SHISA9: variants seen among roughly 807,000 people sequenced by gnomAD.
SHISA9 encodes the protein shisa family member 9, also known as protein shisa-9.
In SHISA9, 13 loss-of-function variants were observed where a neutral mutation model predicts 38.0. The observed-to-expected ratio is 0.34, with a 90% CI of 0.22 to 0.54. SHISA9 has a LOEUF of 0.54. Ranked by LOEUF, SHISA9 falls within the 20% of genes least tolerant of loss-of-function variation. SHISA9 has a pLI of 0.91. For synonymous variants in SHISA9, 275 were observed against 242.0 expected, an observed-to-expected ratio of 1.14 and a Z score of -1.27; for missense variants, 538 against 575.8, an observed-to-expected ratio of 0.93 and a Z score of 0.67.
chr16:13,004,862 G>A (rs899854888), intron 2 of SHISA9, among the ~76,000 whole-genome samples: 1 of 151,054 alleles, frequency 6.6e-6, no homozygotes, highest in Non-Finnish European at 1.5e-5. Context: ...AATGCGGGAG[G>A]CAGAGGTTGC....
intron 2 of SHISA9, among the ~76,000 whole-genome samples, chr16:13,098,513 G>C (rs1482238773): frequency 6.6e-6 from 1 of 152,120 alleles, no homozygotes; most frequent in East Asian, 1.9e-4. Flanking sequence ...TCTGAATCTT[G>C]TTCTCTGCAA....
At chr16:13,226,387 C>T (rs1022486213) in intron 4 of SHISA9, among the ~76,000 whole-genome samples, 1 of 152,168 alleles carries the variant, frequency 6.6e-6, no homozygotes, top group Non-Finnish European at 1.5e-5. Context: ...CACCTGAGTC[C>T]TAGGGTGGGA....
At chr16:13,079,141 A>G (rs1223030261) in intron 2 of SHISA9, among the ~76,000 whole-genome samples, 1 of 152,204 alleles carries the variant, frequency 6.6e-6, no homozygotes, top group African/African-American at 2.4e-5. Flanking sequence ...CCTATGTGAA[A>G]TGCCGAGCAC....
chr16:13,175,963 T>A (rs1271435666), intron 2 of SHISA9, among the ~76,000 whole-genome samples: 1 of 152,104 alleles, frequency 6.6e-6, no homozygotes, highest in Non-Finnish European at 1.5e-5. Flanking sequence ...GTTCTCACTC[T>A]CCCTCTGTCT....
chr16:13,079,975 A>T (rs1469877779), intron 2 of SHISA9, among the ~76,000 whole-genome samples: 1 of 152,186 alleles, frequency 6.6e-6, no homozygotes, highest in Non-Finnish European at 1.5e-5. Context: ...GCATGAAGGA[A>T]ATCAAAATAT....
At chr16:13,333,682 A>T in the SHISA9 span, among the ~76,000 whole-genome samples, 1 of 152,188 alleles carries the variant, frequency 6.6e-6, no homozygotes, top group Non-Finnish European at 1.5e-5. Flanking sequence ...ATCAGTAGAG[A>T]TGTCCTAAAA....
the SHISA9 span, among the ~76,000 whole-genome samples, chr16:13,419,384 C>G: frequency 6.6e-6 from 1 of 152,204 alleles, no homozygotes; most frequent in Non-Finnish European, 1.5e-5. Flanking sequence ...ACAATGAAAT[C>G]TCAAAACTAG....
chr16:13,439,955 C>T, the SHISA9 span, among the ~76,000 whole-genome samples: 1 of 152,168 alleles, frequency 6.6e-6, no homozygotes, highest in Admixed American at 6.5e-5. Flanking sequence ...GGCAGCTGGG[C>T]CTGTGATTAG....
intron 2 of SHISA9, among the ~76,000 whole-genome samples, chr16:13,182,665 C>G (rs2050788152): frequency 6.6e-6 from 1 of 152,162 alleles, no homozygotes; most frequent in African/African-American, 2.4e-5. Flanking sequence ...TTGCTGTGTA[C>G]TGAACCACTC....
At chr16:13,411,086 G>A in the SHISA9 span, among the ~76,000 whole-genome samples, 1 of 152,174 alleles carries the variant, frequency 6.6e-6, no homozygotes, top group Non-Finnish European at 1.5e-5. Flanking sequence ...TGAAAGTCTA[G>A]ATACATGGGT....
chr16:13,289,437 G>A, the SHISA9 span, among the ~76,000 whole-genome samples: 1 of 151,944 alleles, frequency 6.6e-6, no homozygotes, highest in African/African-American at 2.4e-5. Flanking sequence ...TTGGGTCAGG[G>A]TTCTAGAAAG....
intron 2 of SHISA9, among the ~76,000 whole-genome samples, chr16:12,969,652 C>T (rs940198666): frequency 7.9e-5 from 12 of 152,058 alleles, no homozygotes; most frequent in African/African-American, 2.2e-4. Flanking sequence ...GAGGCTGAGG[C>T]GGGAGAATTG....
the SHISA9 span, among the ~76,000 whole-genome samples, chr16:13,267,433 A>T: frequency 4.6e-5 from 7 of 152,200 alleles, no homozygotes; most frequent in African/African-American, 7.2e-5. Flanking sequence ...ACTGTCATGC[A>T]CTGCTGGAGG....
chr16:12,961,717 C>T (rs1446995721), intron 2 of SHISA9, among the ~76,000 whole-genome samples: 1 of 152,164 alleles, frequency 6.6e-6, no homozygotes, highest in East Asian at 1.9e-4. Context: ...CAAAAGCAAC[C>T]CATAAATCAG....
intron 2 of SHISA9, among the ~76,000 whole-genome samples, chr16:13,151,059 G>A (rs1049950970): frequency 3.3e-4 from 50 of 152,208 alleles, no homozygotes; most frequent in Middle Eastern, 3.4e-3. Context: ...TTAGCATGAG[G>A]TGGGAGCTCA....
At chr16:12,942,225 C>T (rs1424048461) in intron 2 of SHISA9, among the ~76,000 whole-genome samples, 2 of 152,236 alleles carry the variant, frequency 1.3e-5, no homozygotes, top group Non-Finnish European at 2.9e-5. Context: ...TTTCAATTCT[C>T]TTGTATTTCC....
At chr16:13,485,038 T>C in the SHISA9 span, among the ~76,000 whole-genome samples, 5 of 152,014 alleles carry the variant, frequency 3.3e-5, no homozygotes, top group Non-Finnish European at 7.4e-5. Context: ...TCTTTTTTTT[T>C]TTTAACTTTA....
chr16:12,922,547 T>A (rs915859545), intron 2 of SHISA9, among the ~76,000 whole-genome samples: 2 of 152,210 alleles, frequency 1.3e-5, no homozygotes, highest in African/African-American at 4.8e-5. Flanking sequence ...TGAGATGGAG[T>A]CTCGCTCTGT....
chr16:13,179,218 C>T (rs1381735922), intron 2 of SHISA9, among the ~76,000 whole-genome samples: 2 of 152,124 alleles, frequency 1.3e-5, no homozygotes, highest in Non-Finnish European at 1.5e-5. Context: ...ATTCAGGAGG[C>T]TGAGGCGGGA....
Sources: gnomAD v4.1 joint callset for allele counts (sites outside exome capture counted in the v4.1 genomes callset) on GRCh38, gnomAD v4.1.1 for gene constraint, MANE v1.5 for transcripts, NCBI Gene and HGNC (gene_info 2026-07-23, HGNC 2026-07-21) for gene names.